Variants in BICRA observed in about 807,000 individuals in gnomAD.
BICRA encodes BRD4 interacting chromatin remodeling complex associated protein.
A neutral mutation model predicts 96.9 loss-of-function variants in BICRA; 31 were observed. That is an observed-to-expected ratio of 0.32 (90% confidence interval 0.24 to 0.43). BICRA has a LOEUF of 0.43. Ranked by LOEUF, BICRA falls within the 20% of genes least tolerant of loss-of-function variation. The pLI, the probability that BICRA is intolerant of heterozygous loss-of-function variation, is 1.00. For missense variants in BICRA, 2,283 were observed against 2,190.3 expected, an observed-to-expected ratio of 1.04 and a Z score of -0.84; for synonymous variants, 1,350 against 1,071.8, an observed-to-expected ratio of 1.26 and a Z score of -5.07.
chr19:47,695,038 G>A lies in BICRA; in HGVS notation c.3034G>A (p.Ala1012Thr), dbSNP rs1340052755. The change falls in exon 9 of 15, where the codon GCC becomes ACC. Residue 1012 changes from alanine to threonine, a missense_variant. Ala to Thr is a moderately conservative substitution (Grantham distance 58, BLOSUM62 0). Transcript: ENST00000594866. The part of the protein sequence containing the change: ...SGQAPSGTPT[A>T]PSHAPAPAPM... ...GCAGGCCCCATCTGGGACCCCCACT[G>A]CCCCCAGCCACGCCCCCGCCCCGGC... 1.3e-6 allele frequency: 2 copies of A among 1,500,980 alleles called. No individual in the cohort carries two copies. Among genetic ancestry groups the A allele is most frequent in the East Asian group, 2.5e-5 (1 of 40,814 alleles). The allele number at this position is 1,500,980 out of a possible 1,614,324, so 93.0% of individuals were successfully genotyped here.
chr19:47,611,902 G>A (rs1336068348), intron 1 of BICRA, among the ~76,000 whole-genome samples: 1 of 150,212 alleles, frequency 6.7e-6, no homozygotes, highest in African/African-American at 2.5e-5. Flanking sequence ...ACAGAGTCTC[G>A]CTGTGTTGCC....
intron 1 of BICRA, among the ~76,000 whole-genome samples, chr19:47,631,095 CTT>C (rs1465581609): frequency 6.6e-6 from 1 of 152,114 alleles, no homozygotes; most frequent in Non-Finnish European, 1.5e-5. Context: ...GAGTCTGACT[CTT>C]TTGCCCATTC....
In BICRA at chr19:47,679,479, C is replaced by A; in HGVS notation, c.309C>A (p.Ile103=). Residue 103 remains isoleucine (I), a synonymous_variant, in exon 6 of 15, where the codon ATC becomes ATA. Coordinates refer to ENST00000594866, the MANE Select transcript of BICRA (RefSeq NM_001394372.1). ...GGGGCGCTGACCAGCCCTGTGACATCCTCCAGCAGAGCCTCCAAGAGGCCA... is the reference window on the plus strand; with the variant it reads ...GGGGCGCTGACCAGCCCTGTGACATACTCCAGCAGAGCCTCCAAGAGGCCA... ...GSGGADQPCD[I]LQQSLQEANI... 1 of 1,537,410 alleles carries A rather than the reference C, an allele frequency of 6.5e-7. No individual in the cohort carries two copies.
intron 1 of BICRA, among the ~76,000 whole-genome samples, chr19:47,629,958 G>A (rs1481491635): frequency 6.6e-6 from 1 of 152,110 alleles, no homozygotes; most frequent in Non-Finnish European, 1.5e-5. Flanking sequence ...ACGGCGCCCG[G>A]CCACCCATTT....
intron 1 of BICRA, among the ~76,000 whole-genome samples, chr19:47,633,497 C>T (rs1972252973): frequency 1.3e-5 from 2 of 152,162 alleles, no homozygotes; most frequent in South Asian, 2.1e-4. Flanking sequence ...GCCACCTTTC[C>T]TGGCCAGTCA....
intron 1 of BICRA, among the ~76,000 whole-genome samples, chr19:47,620,352 G>A (rs1972046450): frequency 6.6e-6 from 1 of 151,924 alleles, no homozygotes; most frequent in South Asian, 2.1e-4. Context: ...TGTCTTTGGA[G>A]TTCCTGTGTG....
At chr19:47,685,780 TGTGTGTGCGCGC>T (rs986841709) in intron 7 of BICRA, among the ~76,000 whole-genome samples, 9 of 131,306 alleles carry the variant, frequency 6.9e-5, no homozygotes, top group East Asian at 6.1e-4. Context: ...TGTGTGTGTG[TGTGTGTGCGCGC>T]GCGCGCGCAT....
At chr19:47,649,777 A>T (rs1599816281) in intron 1 of BICRA, among the ~76,000 whole-genome samples, 1 of 152,302 alleles carries the variant, frequency 6.6e-6, no homozygotes, top group East Asian at 1.9e-4. Flanking sequence ...ATGAAATCAG[A>T]TCCCTACCTC....
At position 47,702,462 on chromosome 19, in the gene BICRA, G is replaced by A; in HGVS notation, c.*47G>A. On this transcript the variant is annotated 3_prime_UTR_variant, in exon 15 of 15. Coordinates refer to ENST00000594866, the MANE Select transcript of BICRA (RefSeq NM_001394372.1). ...CCGTCCCCTCCTCCCGAAGACGCCG[G>A]GACAGTCGGGTGTCCGCCCTCAGCC... 1 of 1,426,864 alleles carries A rather than the reference G, an allele frequency of 7.0e-7. No homozygotes were observed. Among genetic ancestry groups the A allele is most frequent in the Non-Finnish European group, 9.1e-7 (1 of 1,101,714 alleles). 88.4% of individuals were successfully genotyped at this position (1,426,864 alleles called of 1,614,324 possible).
At chr19:47,608,213 G>C (rs983572245), upstream of BICRA, 2 of 152,316 alleles carry the variant, frequency 1.3e-5, no homozygotes, top group African/African-American at 4.8e-5. Flanking sequence ...CAGAGCGGCC[G>C]GGGACAGGCT....
chr19:47,630,934 G>T (rs1231149708), intron 1 of BICRA, among the ~76,000 whole-genome samples: 1 of 152,024 alleles, frequency 6.6e-6, no homozygotes, highest in East Asian at 1.9e-4. Flanking sequence ...TTCCCCACAC[G>T]AAGTTTTCAA....
At chr19:47,612,276 A>G (rs973826157) in intron 1 of BICRA, among the ~76,000 whole-genome samples, 17 of 151,844 alleles carry the variant, frequency 1.1e-4, no homozygotes, top group African/African-American at 3.6e-4. Context: ...TTAGTTGGGC[A>G]TGGTGGCACT....
chr19:47,694,252 A>G lies in BICRA; in HGVS notation c.2421A>G (p.Pro807=), dbSNP rs1327746496. 5.2e-6 allele frequency: 2 copies of G among 384,284 alleles called. No homozygotes were observed. The highest frequency in any genetic ancestry group is 2.0e-3 in the Middle Eastern group (2 of 982). 23.8% of individuals were successfully genotyped at this position (384,284 alleles called of 1,614,324 possible). A position where few individuals can be genotyped will look rare whatever the true frequency, so the allele number is the denominator to read the frequency against. The change falls in exon 8 of 15, where the codon CCA becomes CCG. Residue 807 remains proline, a synonymous_variant. Transcript: ENST00000594866. ...TRPPSRPPSR[P]QSVSRPPSEP... is the part of the protein sequence containing the mutation. ...CCCCTTCCCGCCCACCCTCCCGGCCACAGAGTGTGTCCCGCCCTCCCTCAG... is the reference window on the plus strand; with the variant it reads ...CCCCTTCCCGCCCACCCTCCCGGCCGCAGAGTGTGTCCCGCCCTCCCTCAG...
intron 5 of BICRA, among the ~76,000 whole-genome samples, chr19:47,677,362 C>T (rs987189277): frequency 6.6e-6 from 1 of 152,124 alleles, no homozygotes; most frequent in African/African-American, 2.4e-5. Flanking sequence ...TTTTTCCATG[C>T]GTGTCCTGGG....
At position 47,682,043 on chromosome 19, in the gene BICRA, G is replaced by A. The variant is rs1200462071; in HGVS notation, c.2174G>A (p.Ser725Asn). Residue 725 changes from serine to asparagine, a missense_variant, in exon 7 of 15, where the codon AGC becomes AAC. Transcript: ENST00000594866. Reference protein sequence around the residue: ...HLSVPASVIVSAPPPAQDPAP... With the variant: ...HLSVPASVIVNAPPPAQDPAP... ...TCCGTGCCTGCCTCGGTCATAGTCA[G>A]CGCCCCGCCTCCCGCCCAAGACCCA... 4.5e-6 allele frequency: 7 copies of A among 1,557,746 alleles called. No homozygotes were observed. The highest frequency in any genetic ancestry group is 6.1e-6 in the Non-Finnish European group (7 of 1,152,316).
intron 1 of BICRA, among the ~76,000 whole-genome samples, chr19:47,633,686 C>T (rs1417080429): frequency 6.6e-6 from 1 of 152,170 alleles, no homozygotes; most frequent in Non-Finnish European, 1.5e-5. Context: ...GTTTAGGGAG[C>T]AAAGTCTCTT....
chr19:47,659,186 C>G (rs542433288), intron 1 of BICRA, among the ~76,000 whole-genome samples: 2 of 152,292 alleles, frequency 1.3e-5, no homozygotes, highest in South Asian at 4.2e-4. Context: ...CTTTTAAGAG[C>G]CAGACATCAG....
intron 1 of BICRA, among the ~76,000 whole-genome samples, chr19:47,626,577 T>G (rs929733047): frequency 2.0e-5 from 3 of 149,770 alleles, no homozygotes; most frequent in African/African-American, 7.3e-5. Flanking sequence ...TTTGGTTTTT[T>G]TTTTTTTTTT....
At chr19:47,684,692 CAG>C (rs1476604987) in intron 7 of BICRA, among the ~76,000 whole-genome samples, 1 of 152,170 alleles carries the variant, frequency 6.6e-6, no homozygotes, top group Non-Finnish European at 1.5e-5. Context: ...GGTGAGGAAA[CAG>C]AGGCACAGGG....
Sources: allele counts gnomAD v4.1 joint callset (sites outside exome capture counted in the v4.1 genomes callset), GRCh38; gene constraint gnomAD v4.1.1; transcripts MANE v1.5; gene names NCBI Gene and HGNC (gene_info 2026-07-23, HGNC 2026-07-21).